Variants in NLRP8 observed in about 807,000 individuals in gnomAD.
The protein encoded by NLRP8 is NACHT, LRR and PYD domains-containing protein 8.
In NLRP8, 86 loss-of-function variants were observed where a neutral mutation model predicts 88.7. The ratio of observed to expected loss-of-function variants is 0.97; its 90% CI spans 0.81 to 1.16. NLRP8 has a LOEUF of 1.16. Among genes scored for constraint, NLRP8 ranks in the 50% most tolerant of loss-of-function variants. NLRP8 has a pLI of 0.00. For synonymous variants in NLRP8, 504 were observed against 494.6 expected (o/e 1.02, Z -0.25); for missense variants, 1,342 against 1,286.5 (o/e 1.04, Z -0.66).
At chr19:55,978,665 G>A (rs1199449808) in intron 8 of NLRP8, among the ~76,000 whole-genome samples, 1 of 152,086 alleles carries the variant, frequency 6.6e-6, no homozygotes, top group Admixed American at 6.6e-5. Context: ...TCGTATTTAT[G>A]ATACACGGCA....
rs1039222958 is a variant in NLRP8 at position 55,973,710 on chromosome 19, C to T, written c.2593C>T (p.Gln865Ter). 4.3e-6 allele frequency: 7 copies of T among 1,613,736 alleles called. No individual in the cohort carries two copies. The highest frequency in any genetic ancestry group is 1.3e-5 in the African/African-American group (1 of 74,916). The change falls in exon 7 of 10, where the codon CAG (glutamine) becomes TAG (stop). Residue 865 changes from glutamine to a stop codon, truncating the protein, a stop_gained. Coordinates refer to ENST00000291971, the MANE Select transcript of NLRP8 (RefSeq NM_176811.2). LOFTEE classifies it high-confidence loss of function. ...TGAAAGCCTTGCCTCCTGTCTCAGG[C>T]AGAGTAAGATGCTGACCCACCTGAG...
At chr19:55,972,173 G>C (rs1206204702) in intron 6 of NLRP8, among the ~76,000 whole-genome samples, 1 of 147,916 alleles carries the variant, frequency 6.8e-6, no homozygotes, top group Non-Finnish European at 1.5e-5. Flanking sequence ...GGAGTGCAGT[G>C]GTGTGATCTT....
rs201228237 is a variant in NLRP8 at position 55,987,916 on chromosome 19, C to G, written c.*3C>G. The G allele has an allele frequency of 1.2e-6, 2 of 1,601,778 alleles. No homozygotes were observed. Among genetic ancestry groups the G allele is most frequent in the Non-Finnish European group, 8.6e-7 (1 of 1,168,982 alleles). Reference sequence around the variant, plus strand: ...GCCTATCCCAGATTAATCCTTAGGCCGTCCAGTCATCTTTCTCTGGGGCTT... The same window carrying G: ...GCCTATCCCAGATTAATCCTTAGGCGGTCCAGTCATCTTTCTCTGGGGCTT... On this transcript the variant is annotated 3_prime_UTR_variant, in exon 10 of 10. Transcript: ENST00000291971.
At chr19:55,960,375 C>A (rs372579508) in intron 3 of NLRP8, among the ~76,000 whole-genome samples, 68 of 152,306 alleles carry the variant, frequency 4.5e-4, no homozygotes, top group African/African-American at 1.5e-3. Context: ...AATTCCAACA[C>A]ATTCCACAAA....
intron 3 of NLRP8, among the ~76,000 whole-genome samples, chr19:55,959,700 C>T (rs1979530313): frequency 6.6e-6 from 1 of 152,162 alleles, no homozygotes; most frequent in South Asian, 2.1e-4. Flanking sequence ...GAGTCTATTT[C>T]TGTAACTGGG....
At chr19:55,961,511 G>A (rs1164793506) in intron 3 of NLRP8, among the ~76,000 whole-genome samples, 4 of 152,080 alleles carry the variant, frequency 2.6e-5, no homozygotes, top group Non-Finnish European at 5.9e-5. Flanking sequence ...AATTAAAAAA[G>A]CAATTCCTGG....
At position 55,955,673 on chromosome 19, in the gene NLRP8, CA is replaced by C. The variant is rs1568459952; in HGVS notation, c.1616del (p.Gln539ArgfsTer3). On this transcript the variant is annotated frameshift_variant, in exon 3 of 10. Coordinates refer to ENST00000291971, the MANE Select transcript of NLRP8 (RefSeq NM_176811.2). LOFTEE classifies it high-confidence loss of function. Reference sequence around the variant, plus strand: ...TCATGTGTTGAGCCACGTGAATATCCAGCGCCTGATAGCGAGTCCCAGAGGA... The same window carrying C: ...TCATGTGTTGAGCCACGTGAATATCCGCGCCTGATAGCGAGTCCCAGAGGA... 1 of 1,614,154 alleles carries C rather than the reference CA, an allele frequency of 6.2e-7. No homozygotes were observed. Among genetic ancestry groups the C allele is most frequent in the South Asian group, 1.1e-5 (1 of 91,080 alleles).
chr19:55,949,114 G>C (rs1978981116), intron 1 of NLRP8, among the ~76,000 whole-genome samples: 1 of 152,180 alleles, frequency 6.6e-6, no homozygotes, highest in South Asian at 2.1e-4. Flanking sequence ...TTCTGAGACA[G>C]AGAGAGACCA....
At position 55,957,673 on chromosome 19, in the gene NLRP8, T is replaced by TATATA. The variant is rs1378405360; in HGVS notation, c.2042+1573_2042+1574insATATA. ...TATCTTAAAAAAGAAAAAATAATAA[T>TATATA]TATATATATATATATATATATATAT... On this transcript the variant is annotated intron_variant, in intron 3 of 9. Transcript: ENST00000291971. Among the ~76,000 whole-genome samples, 37 of 31,190 alleles carry TATATA rather than the reference T, an allele frequency of 1.2e-3. 3 individuals are homozygous for TATATA. Among genetic ancestry groups the TATATA allele is most frequent in the African/African-American group, 8.4e-3 (35 of 4,164 alleles). 20.5% of individuals were successfully genotyped at this position (31,190 alleles called of 152,430 possible).
Position 55,976,124 on chromosome 19 carries a change from T to G in NLRP8, c.2706-9T>G. 6.3e-7 allele frequency: 1 copy of G among 1,583,730 alleles called. No homozygotes were observed. Among genetic ancestry groups the G allele is most frequent in the Non-Finnish European group, 8.6e-7 (1 of 1,168,768 alleles). ...GTTGTTGTTGTTTTTAACCTGTGTT[T>G]CTTTGCAGACTGAGAAAGTGTGACT... On this transcript the variant is annotated splice_polypyrimidine_tract_variant and intron_variant, in intron 7 of 9. Transcript: ENST00000291971.
rs1165775867 is a variant in NLRP8, at chr19:55,988,442, G to GTATATATATATCTA, written c.*530_*531insATATATATATCTAT. On this transcript the variant is annotated 3_prime_UTR_variant, in exon 10 of 10. Transcript: ENST00000291971. ...TACACATAAATATATATATGTGTGTGTGTATATATATATATATATATATAT... is the reference window on the plus strand; with the variant it reads ...TACACATAAATATATATATGTGTGTGTATATATATATCTATGTATATATATATATATATATATAT... 9.6e-6 allele frequency: 1 copy of GTATATATATATCTA among 103,758 alleles called. No individual in the cohort carries two copies. Among genetic ancestry groups the GTATATATATATCTA allele is most frequent in the African/African-American group, 3.9e-5 (1 of 25,328 alleles). The allele number at this position is 103,758 out of a possible 1,614,324, so 6.4% of individuals were successfully genotyped here.
At chr19:55,969,509 A>G (rs569787837) in intron 5 of NLRP8, among the ~76,000 whole-genome samples, 1 of 152,192 alleles carries the variant, frequency 6.6e-6, no homozygotes, top group Non-Finnish European at 1.5e-5. Context: ...TCTTTGGTCA[A>G]TGGGTACTTA....
At chr19:55,975,724 T>C (rs1980279771) in intron 7 of NLRP8, among the ~76,000 whole-genome samples, 1 of 151,910 alleles carries the variant, frequency 6.6e-6, no homozygotes, top group African/African-American at 2.4e-5. Flanking sequence ...ATGCCAAAAA[T>C]AGGCAAATCC....
At chr19:55,975,580 G>C (rs377529769) in intron 7 of NLRP8, among the ~76,000 whole-genome samples, 1 of 152,170 alleles carries the variant, frequency 6.6e-6, no homozygotes, top group Non-Finnish European at 1.5e-5. Flanking sequence ...GTGTATTCAC[G>C]CAATGGAATG....
chr19:55,955,412 G>T lies in NLRP8; in HGVS notation c.1354G>T (p.Glu452Ter), dbSNP rs1002153541. 31 of 1,614,104 alleles carry T rather than the reference G, an allele frequency of 1.9e-5. No individual in the cohort carries two copies. In the Middle Eastern group the frequency reaches 6.6e-4, roughly 34 times the overall value. Residue 452 changes from glutamate (E) to a stop codon, truncating the protein, a stop_gained, in exon 3 of 10, where the codon GAA becomes TAA. Coordinates refer to ENST00000291971, the MANE Select transcript of NLRP8 (RefSeq NM_176811.2). LOFTEE classifies it high-confidence loss of function. ...CAGAAAGATCCACCAAGCACAACTGGAAGGTCTGTGTCACTTGGCCGCAGA... is the reference window on the plus strand; with the variant it reads ...CAGAAAGATCCACCAAGCACAACTGTAAGGTCTGTGTCACTTGGCCGCAGA...
chr19:55,954,862 G>A lies in NLRP8; in HGVS notation c.804G>A (p.Gln268=), dbSNP rs1010163656. ...TTGAGCAAAAGTGGCCTGGATCTCA[G>A]GACCTCGTGTCAAAGATTATGTCCA... Residue 268 remains glutamine (Q), a synonymous_variant, in exon 3 of 10, where the codon CAG becomes CAA. Coordinates refer to ENST00000291971, the MANE Select transcript of NLRP8 (RefSeq NM_176811.2). 6 of 1,614,166 alleles carry A rather than the reference G, an allele frequency of 3.7e-6. No homozygotes were observed. The highest frequency in any genetic ancestry group is 5.1e-6 in the Non-Finnish European group (6 of 1,180,030).
chr19:55,953,734 G>A (rs993112765), intron 2 of NLRP8, among the ~76,000 whole-genome samples: 7 of 144,642 alleles, frequency 4.8e-5, no homozygotes, highest in African/African-American at 1.0e-4. Context: ...TCCTAACCTC[G>A]TGCCCGCCTC....
chr19:55,971,294 G>A (rs908383255), intron 6 of NLRP8, among the ~76,000 whole-genome samples: 1 of 151,946 alleles, frequency 6.6e-6, no homozygotes, highest in Admixed American at 6.6e-5. Flanking sequence ...ACAAAAATTA[G>A]CCAGGTGTGG....
intron 3 of NLRP8, among the ~76,000 whole-genome samples, chr19:55,960,308 A>G (rs765664878): frequency 1.3e-5 from 2 of 152,192 alleles, no homozygotes; most frequent in Non-Finnish European, 2.9e-5. Context: ...TCACTCAGAT[A>G]TTGAATGGCT....
Sources: allele counts gnomAD v4.1 joint callset (sites outside exome capture counted in the v4.1 genomes callset), GRCh38; gene constraint gnomAD v4.1.1; transcripts MANE v1.5; gene names NCBI Gene and HGNC (gene_info 2026-07-23, HGNC 2026-07-21).